EIF2AK4: variants seen among roughly 807,000 people sequenced by gnomAD.
EIF2AK4 encodes the protein eukaryotic translation initiation factor 2 alpha kinase 4, also known as eIF-2-alpha kinase GCN2.
A neutral mutation model predicts 211.1 loss-of-function variants in EIF2AK4; 139 were observed. That is an observed-to-expected ratio of 0.66 (90% CI 0.57 to 0.76). The LOEUF is 0.76. Among genes scored for constraint, EIF2AK4 ranks in the 30% least tolerant of loss-of-function variants. EIF2AK4 has a pLI of 0.00. For synonymous variants in EIF2AK4, 710 were observed against 751.3 expected (o/e 0.94, Z 0.90); for missense variants, 1,664 against 2,043.8 (o/e 0.81, Z 3.58).
rs1209873934 is a variant in EIF2AK4, at chr15:40,019,249, C to G, written c.4173+49C>G. 3.6e-6 allele frequency: 5 copies of G among 1,407,762 alleles called. No homozygotes were observed. The South Asian group carries it at 5.4e-5, about 15-fold the overall frequency. The allele number at this position is 1,407,762 out of a possible 1,614,324, so 87.2% of individuals were successfully genotyped here. A position where few individuals can be genotyped will look rare whatever the true frequency, so the allele number is the denominator to read the frequency against. ...GCATACTTCGAGGTGTCTTTCATTTCTAAAAGTATGATTTGCCTTTTGCAG... is the reference window on the plus strand; with the variant it reads ...GCATACTTCGAGGTGTCTTTCATTTGTAAAAGTATGATTTGCCTTTTGCAG... On this transcript the variant is annotated intron_variant, in intron 30 of 38. Coordinates refer to ENST00000263791, the MANE Select transcript of EIF2AK4 (RefSeq NM_001013703.4).
In EIF2AK4 at chr15:40,030,260, G is replaced by A. The variant is rs1265677095; in HGVS notation, c.4562-99G>A. ...GTCGTGATCTAGCCCTTAGAATCACGACAGGATGTCTACTAATAAACTCTG... is the reference window on the plus strand; with the variant it reads ...GTCGTGATCTAGCCCTTAGAATCACAACAGGATGTCTACTAATAAACTCTG... On this transcript the variant is annotated intron_variant, in intron 34 of 38. Transcript: ENST00000263791. 11 of 1,199,846 alleles carry A rather than the reference G, an allele frequency of 9.2e-6. No individual in the cohort carries two copies. In the East Asian group the frequency reaches 1.5e-4, roughly 17 times the overall value. The allele number at this position is 1,199,846 out of a possible 1,614,324, so 74.3% of individuals were successfully genotyped here.
chr15:40,020,809 C>G, intron 30 of EIF2AK4, 90 bp from the exon 31 acceptor site: 1 of 1,257,122 alleles, frequency 8.0e-7, no homozygotes, highest in Non-Finnish European at 1.1e-6. Context: ...CCCATCTTCC[C>G]AAGAGTGCTG....
In EIF2AK4 at chr15:40,016,641, G is replaced by A; in HGVS notation, c.3899G>A (p.Gly1300Glu). ...YGLKDLEEVV[G>E]LLKKLGIKLQ... Reference sequence around the variant, plus strand: ...TTAAAAGACCTAGAGGAGGTTGTTGGACTGTTGAAGAAACTCGGCATCAAG... The same window carrying A: ...TTAAAAGACCTAGAGGAGGTTGTTGAACTGTTGAAGAAACTCGGCATCAAG... The change falls in exon 28 of 39, where the codon GGA becomes GAA. Residue 1300 changes from glycine (G) to glutamate (E), a missense_variant. This residue lies in a region of EIF2AK4 where 622 missense variants were observed against 796.8 expected (regional missense o/e 0.78). Coordinates refer to ENST00000263791, the MANE Select transcript of EIF2AK4 (RefSeq NM_001013703.4). 1 of 1,614,188 alleles carries A rather than the reference G, an allele frequency of 6.2e-7. No homozygotes were observed. Among genetic ancestry groups the A allele is most frequent in the Admixed American group, 1.7e-5 (1 of 60,028 alleles).
rs753956965 is a variant in EIF2AK4, at chr15:40,034,286, C to A, written c.4774-40C>A. On this transcript the variant is annotated intron_variant, in intron 37 of 38. Coordinates refer to ENST00000263791, the MANE Select transcript of EIF2AK4 (RefSeq NM_001013703.4). ...CCCAGAAAAAACCAGCTAGTAAACC[C>A]TAGAGACCTGTTGTTAAGTCTTATC... 4 of 1,548,646 alleles carry A rather than the reference C, an allele frequency of 2.6e-6. No individual in the cohort carries two copies. In the African/African-American group the frequency reaches 4.1e-5, roughly 16 times the overall value.
chr15:39,939,692 G>C, intron 2 of EIF2AK4, 75 bp downstream of exon 2: 2 of 1,262,456 alleles, frequency 1.6e-6, no homozygotes, highest in Non-Finnish European at 1.1e-6. Flanking sequence ...ATTGAAATTC[G>C]TAGTATTTTC....
In EIF2AK4 at chr15:39,992,914, T is replaced by C. The variant is rs942840536; in HGVS notation, c.2766+66T>C. The C allele has an allele frequency of 1.3e-5, 19 of 1,500,710 alleles. No individual in the cohort carries two copies. The African/African-American group carries it at 2.2e-4, about 17-fold the overall frequency. 93.0% of individuals were successfully genotyped at this position (1,500,710 alleles called of 1,614,324 possible). On this transcript the variant is annotated intron_variant, in intron 18 of 38. Coordinates refer to ENST00000263791, the MANE Select transcript of EIF2AK4 (RefSeq NM_001013703.4). ...TAATAGGACATCTAGATCACAGCAT[T>C]TGGGATTTAGTCCCGGCTAAAATAG...
intron 29 of EIF2AK4, among the ~76,000 whole-genome samples, chr15:40,018,134 A>G (rs183398854): frequency 1.2e-3 from 182 of 152,284 alleles, no homozygotes; most frequent in Middle Eastern, 6.8e-3. Context: ...AACAGTGTTA[A>G]ATTTTTTACT....
chr15:40,026,042 T>C lies in EIF2AK4; in HGVS notation c.4455T>C (p.His1485=), dbSNP rs1430023616. 6.2e-7 allele frequency: 1 copy of C among 1,614,034 alleles called. No homozygotes were observed. Among genetic ancestry groups the C allele is most frequent in the African/African-American group, 1.3e-5 (1 of 74,928 alleles). ...KRVLETELVD[H]VLQKLRTKVT... is the part of the protein sequence containing the mutation. ...TGCTGGAGACTGAACTTGTGGACCA[T>C]GTACTGCAGAAACTGAGGACTAAAG... Residue 1485 remains histidine, a synonymous_variant, in exon 33 of 39, where the codon CAT becomes CAC. Coordinates refer to ENST00000263791, the MANE Select transcript of EIF2AK4 (RefSeq NM_001013703.4).
intron 11 of EIF2AK4, 30 bp from the exon 12 acceptor site, chr15:39,976,384 G>A: frequency 6.4e-7 from 1 of 1,560,104 alleles, no homozygotes; most frequent in Non-Finnish European, 8.7e-7. Context: ...AAGGCTCCGA[G>A]CGGCTGACCT....
At chr15:39,982,084 C>T (rs2034797509) in intron 13 of EIF2AK4, among the ~76,000 whole-genome samples, 1 of 152,140 alleles carries the variant, frequency 6.6e-6, no homozygotes, top group Non-Finnish European at 1.5e-5. Context: ...ACCACCATGC[C>T]CGGCTAATTT....
chr15:39,973,459 C>G (rs1185783371), intron 10 of EIF2AK4, 133 bp from the exon 11 acceptor site: 2 of 921,678 alleles, frequency 2.2e-6, no homozygotes, highest in Non-Finnish European at 3.3e-6. Context: ...TTTTAAAAGG[C>G]CACTCAGGTA....
intron 1 of EIF2AK4, 86 bp downstream of exon 1, chr15:39,934,425 C>T (rs2034033014): frequency 1.5e-5 from 23 of 1,488,120 alleles, no homozygotes; most frequent in Non-Finnish European, 2.1e-5. Context: ...CCAGATTGGG[C>T]CGCCGCTTTA....
At chr15:40,013,199 T>G (rs1323339213) in intron 27 of EIF2AK4, among the ~76,000 whole-genome samples, 1 of 152,216 alleles carries the variant, frequency 6.6e-6, no homozygotes, top group Non-Finnish European at 1.5e-5. Context: ...AGACAGGGTC[T>G]TGCACTGTCA....
chr15:39,948,715 ACT>A (rs2034263743), intron 3 of EIF2AK4, among the ~76,000 whole-genome samples: 1 of 152,086 alleles, frequency 6.6e-6, no homozygotes. Context: ...TCTCTGCCCA[ACT>A]CTCATTATGT....
chr15:39,942,161 AT>A (rs2034154094), intron 2 of EIF2AK4, among the ~76,000 whole-genome samples: 1 of 152,122 alleles, frequency 6.6e-6, no homozygotes, highest in African/African-American at 2.4e-5. Flanking sequence ...TAATATTCTT[AT>A]CCTTTTGAAT....
At chr15:40,011,014 A>C (rs1396217370) in intron 26 of EIF2AK4, among the ~76,000 whole-genome samples, 2 of 152,222 alleles carry the variant, frequency 1.3e-5, no homozygotes, top group Non-Finnish European at 2.9e-5. Context: ...AAGCCTGTCC[A>C]GATTTGGGTC....
chr15:39,934,388 G>C, intron 1 of EIF2AK4, 49 bp downstream of exon 1: 1 of 1,553,294 alleles, frequency 6.4e-7, no homozygotes, highest in Non-Finnish European at 8.7e-7. Flanking sequence ...TGGCCTCCCC[G>C]GGCCCTGGGC....
Position 39,990,275 on chromosome 15 carries a change from A to C in EIF2AK4, c.2529A>C (p.Gly843=), listed in dbSNP as rs771873203. The change falls in exon 16 of 39, where the codon GGA becomes GGC. Residue 843 remains glycine, a splice_region_variant and synonymous_variant. Transcript: ENST00000263791. The part of the protein sequence containing the change: ...LDGLAYIHEK[G]MIHRDLKPVN... ...GTTTCTTCACTCTCTTTCAACAGGG[A>C]ATGATTCACCGGGATTTGAAGCCTG... 1 of 1,613,918 alleles carries C rather than the reference A, an allele frequency of 6.2e-7. No individual in the cohort carries two copies. The highest frequency in any genetic ancestry group is 1.7e-5 in the Admixed American group (1 of 60,020).
At chr15:40,011,051 T>G (rs1483417282) in intron 26 of EIF2AK4, among the ~76,000 whole-genome samples, 1 of 152,220 alleles carries the variant, frequency 6.6e-6, no homozygotes, top group Non-Finnish European at 1.5e-5. Context: ...AGTACAACTT[T>G]CCCCTTTTAA....
Sources: gnomAD v4.1 joint callset for allele counts (sites outside exome capture counted in the v4.1 genomes callset) on GRCh38, gnomAD v4.1.1 for gene constraint, gnomAD v4.1.1 regional missense constraint, MANE v1.5 for transcripts, NCBI Gene and HGNC (gene_info 2026-07-23, HGNC 2026-07-21) for gene names.